The following CEACAM19 variants were observed in gnomAD, a reference collection of about 807,000 sequenced individuals.
The protein encoded by CEACAM19 is CEA cell adhesion molecule 19, also known as cell adhesion molecule CEACAM19.
Under a neutral mutation model 37.6 loss-of-function variants are expected in CEACAM19, and 37 were observed. The observed-to-expected ratio is 0.98, with a 90% CI of 0.76 to 1.29. CEACAM19 has a LOEUF of 1.29. Ranked by LOEUF, CEACAM19 falls within the 50% of genes most tolerant of loss-of-function variation. The probability of loss-of-function intolerance (pLI) is 0.00; values close to 1 mark genes in which losing one functional copy is unlikely to be tolerated. For missense variants in CEACAM19, 340 were observed against 375.6 expected, an observed-to-expected ratio of 0.91 and a Z score of 0.78; for synonymous variants, 140 against 149.8, an observed-to-expected ratio of 0.93 and a Z score of 0.48.
chr19:44,681,553 A>T (rs973051920), intron 6 of CEACAM19, among the ~76,000 whole-genome samples: 4 of 152,212 alleles, frequency 2.6e-5, no homozygotes, highest in Non-Finnish European at 2.9e-5. Context: ...TTTCTTTTAT[A>T]CTTGTCTGTG....
At position 44,681,270 on chromosome 19, in the gene CEACAM19, G is replaced by T. The variant is rs1386941387; in HGVS notation, c.750G>T (p.Leu250=). ...IYEVMPSPVL[L]VSPISDTRSI... The stretch of plus-strand genomic sequence containing the variant: ...AAGTGATGCCCTCTCCAGTCCTCCT[G>T]GTGTCCCCCATCAGTGACACAAGGT... The change falls in exon 6 of 8, where the codon CTG becomes CTT. Residue 250 remains leucine, a synonymous_variant. Coordinates refer to ENST00000358777, the MANE Select transcript of CEACAM19 (RefSeq NM_001127893.3). 1.9e-6 allele frequency: 3 copies of T among 1,613,970 alleles called. No homozygotes were observed. Among genetic ancestry groups the T allele is most frequent in the Non-Finnish European group, 2.5e-6 (3 of 1,179,970 alleles).
At chr19:44,679,052 G>A in intron 4 of CEACAM19, 116 bp downstream of exon 4, 1 of 1,479,336 alleles carries the variant, frequency 6.8e-7, no homozygotes, top group Admixed American at 2.0e-5. Flanking sequence ...GGGTGCAGTG[G>A]TGCGATCGTA....
chr19:44,674,890 C>G (rs1973919227), intron 2 of CEACAM19, among the ~76,000 whole-genome samples: 1 of 152,092 alleles, frequency 6.6e-6, no homozygotes, highest in South Asian at 2.1e-4. Context: ...TGACTTCTCC[C>G]CACATTTCCG....
At chr19:44,668,316 T>TA (rs1342899406), upstream of CEACAM19, among the ~76,000 whole-genome samples, 1 of 74,324 alleles carries the variant, frequency 1.3e-5, no homozygotes, top group African/African-American at 6.4e-5. Flanking sequence ...TTATATATTA[T>TA]TATATTTATA....
At chr19:44,672,309 A>AAATG (rs879555681) in intron 1 of CEACAM19, among the ~76,000 whole-genome samples, 12 of 152,324 alleles carry the variant, frequency 7.9e-5, no homozygotes, top group Non-Finnish European at 1.6e-4. Context: ...TTGGTTGAAT[A>AAATG]AATGAATGAA....
intron 7 of CEACAM19, 148 bp from the exon 8 acceptor site, chr19:44,683,289 A>C: frequency 6.0e-6 from 3 of 499,008 alleles, no homozygotes; most frequent in East Asian, 3.3e-5. Context: ...TTGTCTCTGC[A>C]TCTCACTCTC....
chr19:44,674,346 G>A (rs958240431), intron 2 of CEACAM19, among the ~76,000 whole-genome samples: 6 of 150,540 alleles, frequency 4.0e-5, no homozygotes, highest in Non-Finnish European at 7.4e-5. Flanking sequence ...TTAAAAGCAA[G>A]ATTGTGGAGA....
upstream of CEACAM19, among the ~76,000 whole-genome samples, chr19:44,670,724 A>ACCTAT (rs1192610447): frequency 6.6e-6 from 1 of 150,584 alleles, no homozygotes; most frequent in African/African-American, 2.4e-5. Flanking sequence ...TGACATATTT[A>ACCTAT]AATGGTAAGA....
intron 2 of CEACAM19, among the ~76,000 whole-genome samples, chr19:44,674,567 AT>A (rs777312584): frequency 1.3e-5 from 2 of 151,552 alleles, no homozygotes. Flanking sequence ...CACCCAGCTA[AT>A]TTTTTTTATT....
At chr19:44,672,548 T>A in intron 1 of CEACAM19, 48 bp from the exon 2 acceptor site, 2 of 1,436,600 alleles carry the variant, frequency 1.4e-6, no homozygotes, top group Non-Finnish European at 1.8e-6. Flanking sequence ...CATGCCATGG[T>A]CCCTGGCAAC....
At chr19:44,674,666 G>A (rs1973915323) in intron 2 of CEACAM19, among the ~76,000 whole-genome samples, 1 of 152,194 alleles carries the variant, frequency 6.6e-6, no homozygotes, top group Admixed American at 6.5e-5. Flanking sequence ...GCCTCCCAAA[G>A]TGCTGGGATT....
At chr19:44,670,781 GAAAAAAAAAAA>G (rs74691226), upstream of CEACAM19, among the ~76,000 whole-genome samples, 132 of 58,178 alleles carry the variant, frequency 2.3e-3, 1 homozygote, top group Non-Finnish European at 3.1e-3. Context: ...CCTGTCTCAA[GAAAAAAAAAAA>G]AAAAAAAAAA....
intron 3 of CEACAM19, 78 bp from the exon 4 acceptor site, chr19:44,678,775 A>C (rs1215112326): frequency 5.2e-6 from 8 of 1,553,238 alleles, no homozygotes. Context: ...ATTTTCCTTC[A>C]TAGGGAAGGA....
rs373524627 is a variant in CEACAM19 at position 44,682,575 on chromosome 19, C to G, written c.801C>G (p.Pro267=). The G allele has an allele frequency of 6.2e-7, 1 of 1,602,296 alleles. No homozygotes were observed. The highest frequency in any genetic ancestry group is 8.5e-7 in the Non-Finnish European group (1 of 1,174,736). Residue 267 remains proline (P), a synonymous_variant, in exon 7 of 8, where the codon CCC becomes CCG. Transcript: ENST00000358777. ...GTGTCCTTCCCTTGCAGCCCCTGCCCACACCCCCACACCTGCAGGCGGAGC... is the reference window on the plus strand; with the variant it reads ...GTGTCCTTCCCTTGCAGCCCCTGCCGACACCCCCACACCTGCAGGCGGAGC... ...TRSINPARPL[P]TPPHLQAEPE...
At chr19:44,668,092 ATATT>A (rs1190021847), upstream of CEACAM19, among the ~76,000 whole-genome samples, 2 of 85,000 alleles carry the variant, frequency 2.4e-5, no homozygotes, top group East Asian at 3.6e-4. Flanking sequence ...TATATATTAT[ATATT>A]TATATAATAT....
upstream of CEACAM19, among the ~76,000 whole-genome samples, chr19:44,667,710 A>T (rs866729561): frequency 0.014 from 1,088 of 77,768 alleles, 8 homozygotes; most frequent in Non-Finnish European, 0.02. Context: ...ATATTATATA[A>T]ATATATATAA....
chr19:44,668,675 AT>A (rs1428110974), upstream of CEACAM19, among the ~76,000 whole-genome samples: 324 of 48,416 alleles, frequency 6.7e-3, 6 homozygotes, highest in Non-Finnish European at 9.9e-3. Flanking sequence ...ATATACATAT[AT>A]TATATATTAT....
At chr19:44,668,512 A>ATATACACATATTATATAT (rs1568512905), upstream of CEACAM19, among the ~76,000 whole-genome samples, 29 of 35,608 alleles carry the variant, frequency 8.1e-4, 2 homozygotes, top group African/African-American at 3.1e-3. Context: ...ATTATATATT[A>ATATACACATATTATATAT]GTTATAATAT....
At chr19:44,675,097 CGTGT>C (rs59147604) in intron 2 of CEACAM19, among the ~76,000 whole-genome samples, 2,735 of 143,792 alleles carry the variant, frequency 0.019, 50 homozygotes, top group African/African-American at 0.039. Context: ...CAGAGAACAG[CGTGT>C]GTGTGTGTGT....
Sources: allele counts gnomAD v4.1 joint callset (sites outside exome capture counted in the v4.1 genomes callset), GRCh38; gene constraint gnomAD v4.1.1; transcripts MANE v1.5; gene names NCBI Gene and HGNC (gene_info 2026-07-23, HGNC 2026-07-21).